NCALD: variants seen among roughly 807,000 people sequenced by gnomAD.
NCALD encodes the protein neurocalcin delta.
In NCALD, 10 loss-of-function variants were observed where a neutral mutation model predicts 18.6. The observed-to-expected ratio is 0.54, with a 90% CI of 0.33 to 0.91. The LOEUF (loss-of-function observed/expected upper bound fraction) is 0.91, where lower values mean the gene tolerates loss of function less well. Among genes scored for constraint, NCALD ranks in the 40% least tolerant of loss-of-function variants. The pLI, the probability that NCALD is intolerant of heterozygous loss-of-function variation, is 0.03. For synonymous variants in NCALD, 88 were observed against 87.4 expected, an observed-to-expected ratio of 1.01 and a Z score of -0.04; for missense variants, 184 against 247.6, an observed-to-expected ratio of 0.74 and a Z score of 1.72.
At chr8:101,738,073 G>A (rs1004357978) in intron 1 of NCALD, among the ~76,000 whole-genome samples, 7 of 152,154 alleles carry the variant, frequency 4.6e-5, no homozygotes, top group Admixed American at 3.9e-4. Flanking sequence ...TCTTTTCAGA[G>A]AGTCTTCTTT....
At chr8:101,992,630 G>A (rs7829974) in intron 2 of NCALD, among the ~76,000 whole-genome samples, 94,329 of 151,976 alleles carry the variant, frequency 0.62, 30,648 homozygotes, top group African/African-American at 0.8. Context: ...GAATAATAAT[G>A]GGTTGTTGTA....
At chr8:101,723,010 G>A (rs777539160) in intron 1 of NCALD, among the ~76,000 whole-genome samples, 8 of 152,222 alleles carry the variant, frequency 5.3e-5, no homozygotes, top group Admixed American at 2.6e-4. Flanking sequence ...AGGTGGTGAG[G>A]AGGAAGACAG....
At chr8:102,049,885 G>A (rs1823371982) in intron 1 of NCALD, among the ~76,000 whole-genome samples, 1 of 151,894 alleles carries the variant, frequency 6.6e-6, no homozygotes, top group Non-Finnish European at 1.5e-5. Context: ...GTTTTCGGCC[G>A]GGCGCGGTGG....
At chr8:101,850,175 T>C (rs542226724) in intron 4 of NCALD, among the ~76,000 whole-genome samples, 1 of 152,258 alleles carries the variant, frequency 6.6e-6, no homozygotes, top group South Asian at 2.1e-4. Context: ...GGCCCGGGCA[T>C]CAGTCCCTAC....
intron 1 of NCALD, among the ~76,000 whole-genome samples, chr8:101,745,497 A>C (rs1335255733): frequency 6.6e-6 from 1 of 152,226 alleles, no homozygotes; most frequent in Non-Finnish European, 1.5e-5. Context: ...TGGTCTTTCC[A>C]AGCATTGTGG....
At chr8:101,880,404 G>C (rs1306090758) in intron 4 of NCALD, among the ~76,000 whole-genome samples, 1 of 152,172 alleles carries the variant, frequency 6.6e-6, no homozygotes, top group Non-Finnish European at 1.5e-5. Flanking sequence ...ACACCTCCCT[G>C]CAAGCAGAGG....
At chr8:101,734,236 A>C (rs1481388303) in intron 1 of NCALD, among the ~76,000 whole-genome samples, 1 of 151,842 alleles carries the variant, frequency 6.6e-6, no homozygotes, top group Non-Finnish European at 1.5e-5. Flanking sequence ...AACCTCTCCC[A>C]TTTTCTAAAC....
rs542093533 is a variant in NCALD, at chr8:102,014,315, G to C, written c.-157+5922C>G. On this transcript the variant is annotated intron_variant, in intron 2 of 6. Coordinates refer to the NCALD transcript ENST00000311028. ...GCTATGTCCTCACATGATGGAAGGG[G>C]CAAAATTCCCATAGGTTTCTTTTAT... 1.4e-4 allele frequency among the ~76,000 whole-genome samples: 22 copies of C among 152,256 alleles called. No individual in the cohort carries two copies. In the South Asian group the frequency reaches 4.4e-3, roughly 30 times the overall value.
rs554247687 is a variant in NCALD, at chr8:102,078,174, C to T, written c.-210+46063G>A. Among the ~76,000 whole-genome samples, 4 of 152,232 alleles carry T rather than the reference C, an allele frequency of 2.6e-5. No individual in the cohort carries two copies. In the East Asian group the frequency reaches 5.8e-4, roughly 22 times the overall value. On this transcript the variant is annotated intron_variant, in intron 1 of 6. Coordinates refer to the NCALD transcript ENST00000311028. Reference sequence around the variant, plus strand: ...GCTCTGGCAAAACTTAGTCATCAACCTCAATTTATCTCTTCTTTTTATCAC... The same window carrying T: ...GCTCTGGCAAAACTTAGTCATCAACTTCAATTTATCTCTTCTTTTTATCAC...
At chr8:102,085,495 C>G (rs1824707550) in intron 1 of NCALD, among the ~76,000 whole-genome samples, 1 of 152,148 alleles carries the variant, frequency 6.6e-6, no homozygotes, top group South Asian at 2.1e-4. Context: ...TGGCTCATGC[C>G]TGTAATCCCA....
At chr8:101,716,828 G>A (rs555621454) in intron 2 of NCALD, among the ~76,000 whole-genome samples, 99 of 152,326 alleles carry the variant, frequency 6.5e-4, no homozygotes, top group Non-Finnish European at 1.2e-3. Flanking sequence ...GAAGAGAAAA[G>A]CAGAGTAAAA....
At chr8:101,917,439 G>A (rs73282625) in intron 2 of NCALD, among the ~76,000 whole-genome samples, 1,573 of 151,970 alleles carry the variant, frequency 0.01, 24 homozygotes, top group African/African-American at 0.035. Flanking sequence ...AGAAAAACAA[G>A]AGCAAAGTAA....
intron 4 of NCALD, among the ~76,000 whole-genome samples, chr8:101,878,922 G>A (rs530665674): frequency 6.6e-6 from 1 of 152,162 alleles, no homozygotes; most frequent in Non-Finnish European, 1.5e-5. Context: ...AGCAGCCCTA[G>A]GTTCTGTCCT....
intron 2 of NCALD, among the ~76,000 whole-genome samples, chr8:101,707,601 T>C (rs1164503847): frequency 1.3e-5 from 2 of 152,226 alleles, no homozygotes; most frequent in Non-Finnish European, 2.9e-5. Context: ...TTCACTCATT[T>C]AAAAGGTGTG....
At chr8:101,944,893 C>T (rs1819107758) in intron 2 of NCALD, among the ~76,000 whole-genome samples, 1 of 152,206 alleles carries the variant, frequency 6.6e-6, no homozygotes, top group South Asian at 2.1e-4. Context: ...CTCTTGCCCA[C>T]ACCTCTATAA....
intron 4 of NCALD, among the ~76,000 whole-genome samples, chr8:101,866,057 T>C (rs927719559): frequency 4.6e-5 from 7 of 152,136 alleles, no homozygotes; most frequent in Non-Finnish European, 8.8e-5. Flanking sequence ...GCTAGAGTTG[T>C]TGAAGGAGCC....
intron 4 of NCALD, among the ~76,000 whole-genome samples, chr8:101,863,065 G>A (rs544521585): frequency 4.1e-4 from 62 of 152,162 alleles, no homozygotes; most frequent in Non-Finnish European, 7.5e-4. Flanking sequence ...CCAAGGTTCT[G>A]AAATGAAATC....
At chr8:101,793,508 A>C (rs1158651501), upstream of NCALD, among the ~76,000 whole-genome samples, 36 of 152,136 alleles carry the variant, frequency 2.4e-4, no homozygotes, top group Non-Finnish European at 1.5e-5. Flanking sequence ...CTAGGTTTAG[A>C]ATTTCCTCTT....
intron 1 of NCALD, among the ~76,000 whole-genome samples, chr8:102,029,985 T>C (rs1822610554): frequency 6.6e-6 from 1 of 152,248 alleles, no homozygotes; most frequent in South Asian, 2.1e-4. Context: ...TTCCAGATAC[T>C]TGTCTAGACA....
Sources: gnomAD v4.1 joint callset for allele counts (sites outside exome capture counted in the v4.1 genomes callset) on GRCh38, gnomAD v4.1.1 for gene constraint, MANE v1.5 for transcripts, NCBI Gene and HGNC (gene_info 2026-07-23, HGNC 2026-07-21) for gene names.